SPAG17: variants seen among roughly 807,000 people sequenced by gnomAD.
The protein encoded by SPAG17 is sperm-associated antigen 17.
A neutral mutation model predicts 273.6 loss-of-function variants in SPAG17; 169 were observed. The observed-to-expected ratio is 0.62, with a 90% confidence interval of 0.55 to 0.70. The LOEUF (loss-of-function observed/expected upper bound fraction) is 0.70. SPAG17 is among the 30% of genes least tolerant of loss of function. The pLI, the probability that SPAG17 is intolerant of heterozygous loss-of-function variation, is 0.00. For synonymous variants in SPAG17, 825 were observed against 873.2 expected (o/e 0.94, Z 0.97); for missense variants, 2,557 against 2,627.8 (o/e 0.97, Z 0.59).
chr1:118,096,745 T>C (rs1428610941), intron 7 of SPAG17, among the ~76,000 whole-genome samples: 1 of 152,212 alleles, frequency 6.6e-6, no homozygotes, highest in African/African-American at 2.4e-5. Flanking sequence ...ACTTAGAGTA[T>C]GTTTCACATA....
intron 17 of SPAG17, among the ~76,000 whole-genome samples, chr1:118,071,313 G>T (rs1283500471): frequency 6.6e-6 from 1 of 152,142 alleles, no homozygotes; most frequent in Non-Finnish European, 1.5e-5. Context: ...AATTCATGGA[G>T]AAGACAACTT....
chr1:118,041,635 A>T (rs1253805761), intron 21 of SPAG17, among the ~76,000 whole-genome samples, 168 bp downstream of exon 21: 1 of 152,136 alleles, frequency 6.6e-6, no homozygotes, highest in Non-Finnish European at 1.5e-5. Context: ...GTTAGAAACA[A>T]GGTTCTAGGT....
intron 1 of SPAG17, among the ~76,000 whole-genome samples, chr1:118,180,331 A>C (rs1344069537): frequency 6.6e-6 from 1 of 152,082 alleles, no homozygotes; most frequent in African/African-American, 2.4e-5. Flanking sequence ...CATTATGTTA[A>C]GTGAAATAAG....
chr1:118,097,908 T>G, intron 6 of SPAG17, 57 bp from the exon 7 acceptor site: 1 of 1,262,214 alleles, frequency 7.9e-7, no homozygotes, highest in Admixed American at 2.5e-5. Flanking sequence ...TTTTCCCACT[T>G]TAAGTGAACA....
chr1:117,954,070 A>G lies in SPAG17; in HGVS notation c.*1-21T>C, dbSNP rs776596387. On this transcript the variant is annotated intron_variant, in intron 48 of 48. Transcript: ENST00000336338. ...AGAAACTGCAAAAATGAAGGAACACAAAGCCATTTGTAAAGCTGCAGGGAA... is the reference window on the plus strand; with the variant it reads ...AGAAACTGCAAAAATGAAGGAACACGAAGCCATTTGTAAAGCTGCAGGGAA... 1.7e-5 allele frequency: 27 copies of G among 1,612,460 alleles called. No homozygotes were observed. The South Asian group carries it at 3.0e-4, about 18-fold the overall frequency.
intron 3 of SPAG17, among the ~76,000 whole-genome samples, chr1:118,121,312 G>C (rs1250454944): frequency 1.3e-5 from 2 of 152,160 alleles, no homozygotes; most frequent in African/African-American, 4.8e-5. Flanking sequence ...AGTAAGATCT[G>C]GGACCTATCT....
chr1:118,133,230 T>C lies in SPAG17; in HGVS notation c.315+17313A>G, dbSNP rs145037195. On this transcript the variant is annotated intron_variant, in intron 3 of 48. Coordinates refer to ENST00000336338, the MANE Select transcript of SPAG17 (RefSeq NM_206996.4). ...ATGAAGGAAAGACTGAATGAATGCATGATGGGCAATGGAAATTGATAAGCA... is the reference window on the plus strand; with the variant it reads ...ATGAAGGAAAGACTGAATGAATGCACGATGGGCAATGGAAATTGATAAGCA... Among the ~76,000 whole-genome samples, 305 of 152,054 alleles carry C rather than the reference T, an allele frequency of 2.0e-3. 6 individuals are homozygous for C. Among genetic ancestry groups the C allele is most frequent in the African/African-American group, 7.1e-3 (293 of 41,506 alleles).
At chr1:118,069,437 A>G (rs1653346602) in intron 17 of SPAG17, among the ~76,000 whole-genome samples, 1 of 151,972 alleles carries the variant, frequency 6.6e-6, no homozygotes, top group Non-Finnish European at 1.5e-5. Context: ...TGGATTAGGT[A>G]TCAGGGATAA....
At chr1:118,054,839 ACTTG>A (rs565158729) in intron 19 of SPAG17, among the ~76,000 whole-genome samples, 3 of 152,046 alleles carry the variant, frequency 2.0e-5, no homozygotes, top group Non-Finnish European at 4.4e-5. Context: ...TTCATCATTA[ACTTG>A]CTTTTATATG....
At chr1:118,147,452 T>G (rs1659075900) in intron 3 of SPAG17, among the ~76,000 whole-genome samples, 1 of 152,120 alleles carries the variant, frequency 6.6e-6, no homozygotes, top group East Asian at 1.9e-4. Flanking sequence ...TAGCCAACAT[T>G]CCTGAGAATA....
At chr1:118,145,402 A>C (rs1327213773) in intron 3 of SPAG17, among the ~76,000 whole-genome samples, 2 of 152,158 alleles carry the variant, frequency 1.3e-5, no homozygotes, top group Non-Finnish European at 2.9e-5. Flanking sequence ...CCTGAGAAAA[A>C]TTTCTATACA....
chr1:118,016,297 A>T, intron 28 of SPAG17, 115 bp from the exon 29 acceptor site: 1 of 751,104 alleles, frequency 1.3e-6, no homozygotes. Flanking sequence ...GGCATAGACA[A>T]TTCTAAGTGG....
chr1:117,972,763 G>A (rs530490373), intron 44 of SPAG17, among the ~76,000 whole-genome samples: 1 of 129,966 alleles, frequency 7.7e-6, no homozygotes, highest in East Asian at 2.1e-4. Context: ...GATGAACACA[G>A]TATGCCATGG....
rs1046817888 is a variant in SPAG17, at chr1:118,003,746, C to T, written c.4776+1668G>A. 4.6e-5 allele frequency among the ~76,000 whole-genome samples: 7 copies of T among 152,182 alleles called. No individual in the cohort carries two copies. In the South Asian group the frequency reaches 1.0e-3, roughly 23 times the overall value. On this transcript the variant is annotated intron_variant, in intron 32 of 48. Coordinates refer to ENST00000336338, the MANE Select transcript of SPAG17 (RefSeq NM_206996.4). ...TTTTTCAAGGTTTTTAGCTTCCTTG[C>T]GATGGGTTTGAACATGTTCCTTTAG... is the stretch of plus-strand genomic sequence containing the variant.
intron 26 of SPAG17, among the ~76,000 whole-genome samples, chr1:118,025,789 G>A (rs1015727810): frequency 2.6e-5 from 4 of 152,248 alleles, no homozygotes; most frequent in South Asian, 4.2e-4. Flanking sequence ...ACCATGCCTG[G>A]TGCTTAATTA....
Position 118,012,242 on chromosome 1 carries a change from T to G in SPAG17, c.4418A>C (p.Asp1473Ala). 1 of 1,613,136 alleles carries G rather than the reference T, an allele frequency of 6.2e-7. No homozygotes were observed. Among genetic ancestry groups the G allele is most frequent in the Non-Finnish European group, 8.5e-7 (1 of 1,179,410 alleles). Reference sequence around the variant, plus strand: ...ATAAAACATACTTGTTTCTTGATCATCTGGCAGAATAATTTGATCTTCATA... The same window carrying G: ...ATAAAACATACTTGTTTCTTGATCAGCTGGCAGAATAATTTGATCTTCATA... ...QVYEDQIILP[D>A]DQETTEGPRT... The change falls in exon 30 of 49, where the codon GAT (aspartate) becomes GCT (alanine). Residue 1473 changes from aspartate to alanine, a missense_variant. Asp to Ala is a moderately radical substitution (Grantham distance 126). Transcript: ENST00000336338.
chr1:118,088,187 A>G (rs188358615), intron 10 of SPAG17, among the ~76,000 whole-genome samples: 1 of 152,270 alleles, frequency 6.6e-6, no homozygotes, highest in East Asian at 1.9e-4. Context: ...CCCATCCTAT[A>G]AAGTATCATC....
intron 18 of SPAG17, among the ~76,000 whole-genome samples, chr1:118,062,229 T>C (rs1375550732): frequency 6.6e-6 from 1 of 150,716 alleles, no homozygotes; most frequent in Non-Finnish European, 1.5e-5. Flanking sequence ...TAGCCGGGCG[T>C]AGTGGCGGGC....
rs974232962 is a variant in SPAG17, at chr1:118,018,741, C to G, written c.4070-2559G>C. On this transcript the variant is annotated intron_variant, in intron 28 of 48. Coordinates refer to ENST00000336338, the MANE Select transcript of SPAG17 (RefSeq NM_206996.4). ...ATGGTGATGCAAGCCAACTTTTCAACAGCAACACTGGAAGCAAAAGAATAT... is the reference window on the plus strand; with the variant it reads ...ATGGTGATGCAAGCCAACTTTTCAAGAGCAACACTGGAAGCAAAAGAATAT... 3.4e-4 allele frequency among the ~76,000 whole-genome samples: 52 copies of G among 150,804 alleles called. 1 individual carries two copies. The highest frequency in any genetic ancestry group is 5.6e-4 in the Non-Finnish European group (38 of 67,848).
Sources: allele counts gnomAD v4.1 joint callset (sites outside exome capture counted in the v4.1 genomes callset), GRCh38; gene constraint gnomAD v4.1.1; transcripts MANE v1.5; gene names NCBI Gene and HGNC (gene_info 2026-07-23, HGNC 2026-07-21).